The following PEX5L variants were observed in gnomAD, a reference collection of about 807,000 sequenced individuals.
The protein encoded by PEX5L is PEX5-related protein.
PEX5L carries 30 observed loss-of-function variants against 84.0 expected under a neutral mutation model. The observed-to-expected ratio is 0.36, with a 90% CI of 0.27 to 0.48. The LOEUF is 0.48. PEX5L is among the 20% of genes least tolerant of loss of function. The pLI is 0.99. For missense variants in PEX5L, 533 were observed against 754.6 expected (o/e 0.71, Z 3.44); for synonymous variants, 270 against 283.1 (o/e 0.95, Z 0.46).
At chr3:180,002,739 A>G (rs1788539309) in intron 1 of PEX5L, among the ~76,000 whole-genome samples, 1 of 152,118 alleles carries the variant, frequency 6.6e-6, no homozygotes, top group Non-Finnish European at 1.5e-5. Context: ...CTATAGCTAG[A>G]AATTCAGCTG....
intron 2 of PEX5L, among the ~76,000 whole-genome samples, chr3:179,956,471 T>C (rs1232662855): frequency 1.3e-5 from 2 of 152,166 alleles, no homozygotes; most frequent in African/African-American, 4.8e-5. Context: ...ACAAGTTGCT[T>C]AGACTTCAAT....
At chr3:179,950,572 T>C (rs1778829039) in intron 2 of PEX5L, among the ~76,000 whole-genome samples, 1 of 152,210 alleles carries the variant, frequency 6.6e-6, no homozygotes, top group Non-Finnish European at 1.5e-5. Context: ...CATCTTTAGT[T>C]TGATCTAATA....
At chr3:179,878,298 A>C (rs1448485454) in intron 5 of PEX5L, among the ~76,000 whole-genome samples, 1 of 151,898 alleles carries the variant, frequency 6.6e-6, no homozygotes. Flanking sequence ...TCTCTTTCTC[A>C]TTATCCCCCT....
At chr3:179,907,698 T>C (rs1005403957) in intron 2 of PEX5L, among the ~76,000 whole-genome samples, 2 of 152,202 alleles carry the variant, frequency 1.3e-5, no homozygotes, top group African/African-American at 4.8e-5. Flanking sequence ...CTTATCCAGA[T>C]GTCATAAGGT....
At chr3:179,944,000 T>TCCC (rs572399419) in intron 2 of PEX5L, among the ~76,000 whole-genome samples, 2 of 147,642 alleles carry the variant, frequency 1.4e-5, no homozygotes, top group African/African-American at 5.0e-5. Context: ...GAATATGCCC[T>TCCC]CCCCCCCCCA....
intron 2 of PEX5L, among the ~76,000 whole-genome samples, chr3:179,899,042 A>G (rs1760333756): frequency 6.6e-6 from 1 of 152,070 alleles, no homozygotes; most frequent in Non-Finnish European, 1.5e-5. Flanking sequence ...ATGTATATAT[A>G]TAGATAATAT....
intron 12 of PEX5L, 69 bp from the exon 13 acceptor site, chr3:179,808,506 C>T (rs1722289575): frequency 1.7e-6 from 2 of 1,168,358 alleles, no homozygotes; most frequent in African/African-American, 3.1e-5. Flanking sequence ...ACTGTTAAAT[C>T]CCTTGACTGT....
At chr3:179,839,998 G>A (rs1446601714) in intron 8 of PEX5L, among the ~76,000 whole-genome samples, 1 of 152,018 alleles carries the variant, frequency 6.6e-6, no homozygotes, top group Non-Finnish European at 1.5e-5. Flanking sequence ...TGAGCCTGGA[G>A]GGATGAAAGG....
At chr3:179,925,153 G>A (rs916581864) in intron 2 of PEX5L, among the ~76,000 whole-genome samples, 2 of 152,178 alleles carry the variant, frequency 1.3e-5, no homozygotes, top group Admixed American at 6.5e-5. Flanking sequence ...TGGCAGCACA[G>A]TGTGTTTTCA....
At chr3:179,961,437 C>T (rs747495682) in intron 2 of PEX5L, among the ~76,000 whole-genome samples, 4 of 151,896 alleles carry the variant, frequency 2.6e-5, no homozygotes, top group Non-Finnish European at 5.9e-5. Context: ...ATAAGAGACA[C>T]GTTCCAGAGG....
chr3:179,898,022 G>T, intron 3 of PEX5L, 120 bp downstream of exon 3: 6 of 534,940 alleles, frequency 1.1e-5, no homozygotes, highest in South Asian at 8.3e-5. Context: ...TTGTTTCATT[G>T]AAACTGTCTT....
intron 2 of PEX5L, among the ~76,000 whole-genome samples, chr3:179,919,349 A>G (rs1335106158): frequency 6.6e-6 from 1 of 152,222 alleles, no homozygotes; most frequent in Non-Finnish European, 1.5e-5. Context: ...CTTGATAAGT[A>G]TGTATGAGCT....
At chr3:179,857,960 G>C (rs1225256619) in intron 8 of PEX5L, among the ~76,000 whole-genome samples, 1 of 151,940 alleles carries the variant, frequency 6.6e-6, no homozygotes, top group Non-Finnish European at 1.5e-5. Flanking sequence ...TTGGGTAGAT[G>C]GTATTGTGGT....
chr3:180,024,347 A>AATATATATATATATATATATATATATAT (rs148495757), intron 1 of PEX5L, among the ~76,000 whole-genome samples: 175 of 107,542 alleles, frequency 1.6e-3, no homozygotes, highest in Middle Eastern at 4.8e-3. Flanking sequence ...GTCCCTACTA[A>AATATATATATATATATATATATATATAT]ATATATATAT....
chr3:179,893,558 T>C (rs1758264229), intron 3 of PEX5L, among the ~76,000 whole-genome samples: 1 of 152,174 alleles, frequency 6.6e-6, no homozygotes, highest in Admixed American at 6.6e-5. Flanking sequence ...TCTGATAACA[T>C]ATTACTAAGA....
intron 2 of PEX5L, among the ~76,000 whole-genome samples, chr3:179,909,759 G>A (rs547633825): frequency 7.3e-4 from 111 of 152,214 alleles, no homozygotes; most frequent in Middle Eastern, 3.4e-3. Flanking sequence ...CAATATGACT[G>A]GTATTCTTAT....
At position 179,819,991 on chromosome 3, in the gene PEX5L, AAATG is replaced by A. The variant is rs1727822443; in HGVS notation, c.823-19_823-16del. ...TCTGTATCTGACTGGGAGACAGGAA[AAATG>A]AATGGAGATGGATTTAAGAACATGC... On this transcript the variant is annotated splice_polypyrimidine_tract_variant and intron_variant, in intron 8 of 14. Coordinates refer to ENST00000467460, the MANE Select transcript of PEX5L (RefSeq NM_016559.3). 6.2e-7 allele frequency: 1 copy of A among 1,613,416 alleles called. No homozygotes were observed.
intron 1 of PEX5L, among the ~76,000 whole-genome samples, chr3:179,998,121 CT>C (rs1199326827): frequency 1.3e-5 from 2 of 152,168 alleles, no homozygotes; most frequent in Admixed American, 1.3e-4. Flanking sequence ...GACCTTCTAC[CT>C]CAGTAAAATT....
At chr3:179,898,433 T>G in intron 2 of PEX5L, 187 bp from the exon 3 acceptor site, 1 of 444,170 alleles carries the variant, frequency 2.3e-6, no homozygotes, top group Admixed American at 3.8e-5. Context: ...TTGTGAACTT[T>G]TAGTTAGCTA....
Sources: gnomAD v4.1 joint callset for allele counts (sites outside exome capture counted in the v4.1 genomes callset) on GRCh38, gnomAD v4.1.1 for gene constraint, MANE v1.5 for transcripts, NCBI Gene and HGNC (gene_info 2026-07-23, HGNC 2026-07-21) for gene names.